The following ERI3 variants were observed in gnomAD, a reference collection of about 807,000 sequenced individuals.
ERI3 encodes the protein ERI1 exoribonuclease 3.
Under a neutral mutation model 44.4 loss-of-function variants are expected in ERI3, and 18 were observed. That is an observed-to-expected ratio of 0.41 (90% CI 0.28 to 0.60). ERI3 has a LOEUF of 0.60. Ranked by LOEUF, ERI3 falls within the 20% of genes least tolerant of loss-of-function variation. The pLI, the probability that ERI3 is intolerant of heterozygous loss-of-function variation, is 0.36. For missense variants in ERI3, 294 were observed against 435.5 expected (o/e 0.68, Z 2.89); for synonymous variants, 183 against 164.8 (o/e 1.11, Z -0.84).
Position 44,241,927 on chromosome 1 carries a change from C to A in ERI3, c.931+6012G>T. On this transcript the variant is annotated intron_variant, in intron 8 of 8. Transcript: ENST00000372257. This position sits in a 1 kb window ranked among gnomAD's most constrained non-coding sequence, Gnocchi z 5.6. ...TCCATCAACTCACCCATCCATCTAG[C>A]CATTCTTCCATCTATGGTTGCTACT... The A allele has an allele frequency of 1.0e-6, 1 of 985,380 alleles. No individual in the cohort carries two copies. 61.0% of individuals were successfully genotyped at this position (985,380 alleles called of 1,614,324 possible).
intron 8 of ERI3, among the ~76,000 whole-genome samples, chr1:44,226,604 G>A (rs1644044663): frequency 6.6e-6 from 1 of 152,022 alleles, no homozygotes; most frequent in African/African-American, 2.4e-5. Context: ...GGGGGGATTA[G>A]GACAGCACAG....
At chr1:44,290,627 G>A (rs1002835843) in intron 6 of ERI3, among the ~76,000 whole-genome samples, 8 of 152,168 alleles carry the variant, frequency 5.3e-5, no homozygotes, top group African/African-American at 7.2e-5. Flanking sequence ...TATCCAGCAC[G>A]TTCAGGCTAC....
rs979524756 is a variant in ERI3, at chr1:44,235,727, T to A, written c.931+12212A>T. Among the ~76,000 whole-genome samples, 2 of 152,172 alleles carry A rather than the reference T, an allele frequency of 1.3e-5. No individual in the cohort carries two copies. The highest frequency in any genetic ancestry group is 2.9e-5 in the Non-Finnish European group (2 of 68,026). On this transcript the variant is annotated intron_variant, in intron 8 of 8. Transcript: ENST00000372257. This position sits in a 1 kb window ranked among gnomAD's most constrained non-coding sequence, Gnocchi z 4.6. ...TCCCCACCTCCGTTCCCTTCTAGCA[T>A]CTTGGTTTCCCCAGGACTTCACTGT...
At chr1:44,237,218 A>T (rs1285940071) in intron 8 of ERI3, among the ~76,000 whole-genome samples, 1 of 152,186 alleles carries the variant, frequency 6.6e-6, no homozygotes, top group East Asian at 1.9e-4. Context: ...TGCCTCAGCC[A>T]AAAGTGCTCA....
At chr1:44,287,109 T>A (rs1433080851) in intron 6 of ERI3, among the ~76,000 whole-genome samples, 2 of 152,146 alleles carry the variant, frequency 1.3e-5, no homozygotes, top group South Asian at 2.1e-4. Flanking sequence ...GAAATGTAAA[T>A]CATTAGTGTC....
At chr1:44,308,425 G>A (rs752048711) in intron 5 of ERI3, 24 bp from the exon 6 acceptor site, 1 of 1,603,064 alleles carries the variant, frequency 6.2e-7, no homozygotes, top group South Asian at 1.1e-5. Flanking sequence ...AAGAACAAAT[G>A]AGATTTTCCT....
At chr1:44,264,398 G>A (rs1220688885) in intron 7 of ERI3, among the ~76,000 whole-genome samples, 2 of 152,120 alleles carry the variant, frequency 1.3e-5, no homozygotes, top group Admixed American at 6.5e-5. Context: ...TTGACAGGAC[G>A]TGGCTTTAAA....
chr1:44,262,871 T>C (rs1412922938), intron 7 of ERI3, among the ~76,000 whole-genome samples: 1 of 152,156 alleles, frequency 6.6e-6, no homozygotes, highest in African/African-American at 2.4e-5. Flanking sequence ...TCCCTCTATT[T>C]CCTGCCCCAA....
At chr1:44,265,987 T>C (rs1402407650) in intron 7 of ERI3, among the ~76,000 whole-genome samples, 3 of 152,188 alleles carry the variant, frequency 2.0e-5, no homozygotes, top group African/African-American at 4.8e-5. Context: ...AAAAAACAAA[T>C]TGTACACCTT....
chr1:44,350,309 T>C (rs1646863107), intron 2 of ERI3, among the ~76,000 whole-genome samples: 1 of 152,088 alleles, frequency 6.6e-6, no homozygotes, highest in South Asian at 2.1e-4. Flanking sequence ...TTGCCCAGGC[T>C]GGAGTAAAGT....
At chr1:44,223,894 C>T (rs1643967395) in intron 8 of ERI3, among the ~76,000 whole-genome samples, 1 of 152,220 alleles carries the variant, frequency 6.6e-6, no homozygotes, top group Non-Finnish European at 1.5e-5. Flanking sequence ...GCCTGGACAG[C>T]TCATAGGCTC....
intron 6 of ERI3, among the ~76,000 whole-genome samples, chr1:44,290,740 G>A (rs781178454): frequency 2.4e-4 from 36 of 152,104 alleles, no homozygotes; most frequent in Non-Finnish European, 4.0e-4. Flanking sequence ...TAAACAGCCC[G>A]CCTTTCATGA....
At chr1:44,342,824 T>TATATATATATATAA (rs1646686765) in intron 2 of ERI3, among the ~76,000 whole-genome samples, 3 of 14,802 alleles carry the variant, frequency 2.0e-4, no homozygotes, top group African/African-American at 8.5e-4. Context: ...TATATATATA[T>TATATATATATATAA]ATATATATAT....
intron 6 of ERI3, among the ~76,000 whole-genome samples, chr1:44,296,388 C>G (rs913286246): frequency 2.0e-5 from 3 of 152,166 alleles, no homozygotes; most frequent in Non-Finnish European, 4.4e-5. Flanking sequence ...ATTCCTTTCC[C>G]CACCCCACGC....
chr1:44,350,533 AT>A (rs1346894242), intron 2 of ERI3, among the ~76,000 whole-genome samples: 2 of 152,172 alleles, frequency 1.3e-5, no homozygotes, highest in African/African-American at 4.8e-5. Context: ...AAGTGCTGGG[AT>A]TATGAGCATG....
At chr1:44,223,868 A>G (rs751752453) in intron 8 of ERI3, among the ~76,000 whole-genome samples, 22 of 152,322 alleles carry the variant, frequency 1.4e-4, no homozygotes, top group Admixed American at 2.0e-4. Flanking sequence ...GCTACCCGCT[A>G]AAGATCACCT....
intron 7 of ERI3, among the ~76,000 whole-genome samples, chr1:44,249,942 G>A (rs1362936323): frequency 6.6e-6 from 1 of 152,110 alleles, no homozygotes; most frequent in Non-Finnish European, 1.5e-5. Context: ...TGGAGAAGAC[G>A]AGCTGGATGG....
chr1:44,251,294 T>G (rs1644674119), intron 7 of ERI3, among the ~76,000 whole-genome samples: 1 of 152,388 alleles, frequency 6.6e-6, no homozygotes, highest in East Asian at 1.9e-4. Flanking sequence ...AGCGCATATA[T>G]GCTGGCATGC....
chr1:44,239,378 T>C (rs1190522888), intron 8 of ERI3, among the ~76,000 whole-genome samples: 1 of 152,210 alleles, frequency 6.6e-6, no homozygotes, highest in Non-Finnish European at 1.5e-5. Context: ...CTGCTGCAGA[T>C]CACTGTGTGA....
Sources: allele counts gnomAD v4.1 joint callset (sites outside exome capture counted in the v4.1 genomes callset), GRCh38; gene constraint gnomAD v4.1.1; non-coding constraint Gnocchi (gnomAD v3.1); transcripts MANE v1.5; gene names NCBI Gene and HGNC (gene_info 2026-07-23, HGNC 2026-07-21).